LRRC37A2: variants seen among roughly 807,000 people sequenced by gnomAD.
The protein encoded by LRRC37A2 is leucine rich repeat containing 37 member A2, also known as leucine-rich repeat-containing protein 37A2.
LRRC37A2 carries 9 observed loss-of-function variants against 68.8 expected under a neutral mutation model. That is an observed-to-expected ratio of 0.13 (90% CI 0.08 to 0.23). LRRC37A2 has a LOEUF of 0.23. Among genes scored for constraint, LRRC37A2 ranks in the 10% least tolerant of loss-of-function variants. LRRC37A2 has a pLI of 1.00. For missense variants in LRRC37A2, 168 were observed against 950.4 expected, an observed-to-expected ratio of 0.18 and a Z score of 10.82; for synonymous variants, 63 against 367.6, an observed-to-expected ratio of 0.17 and a Z score of 9.48.
At chr17:46,862,367 G>A in the LRRC37A2 span, among the ~76,000 whole-genome samples, 23 of 152,080 alleles carry the variant, frequency 1.5e-4, no homozygotes, top group African/African-American at 5.6e-4. Context: ...AATTTTGCAG[G>A]TAGACATCTA....
chr17:46,400,872 AG>A, the LRRC37A2 span, among the ~76,000 whole-genome samples: 2 of 112,430 alleles, frequency 1.8e-5, no homozygotes, highest in African/African-American at 3.0e-5. Flanking sequence ...GGATTCCAGT[AG>A]GGAGGCCTTT....
the LRRC37A2 span, among the ~76,000 whole-genome samples, chr17:46,862,831 G>A: frequency 6.6e-6 from 1 of 152,178 alleles, no homozygotes; most frequent in Non-Finnish European, 1.5e-5. Flanking sequence ...TGATCCGCCC[G>A]CCTCGGCCTC....
the LRRC37A2 span, among the ~76,000 whole-genome samples, chr17:46,672,125 G>A: frequency 1.4e-5 from 1 of 71,214 alleles, no homozygotes; most frequent in Admixed American, 1.4e-4. Flanking sequence ...AAGAAGCCAT[G>A]TAAACAGAGA....
At chr17:46,722,633 A>G in the LRRC37A2 span, among the ~76,000 whole-genome samples, 1 of 152,218 alleles carries the variant, frequency 6.6e-6, no homozygotes, top group Non-Finnish European at 1.5e-5. Flanking sequence ...GGCCTGGGCC[A>G]GAAAGGGTGA....
At chr17:46,771,524 C>T in the LRRC37A2 span, among the ~76,000 whole-genome samples, 1 of 148,930 alleles carries the variant, frequency 6.7e-6, no homozygotes, top group Non-Finnish European at 1.5e-5. Flanking sequence ...GGGGATTAGC[C>T]TGGGAGCGGC....
the LRRC37A2 span, among the ~76,000 whole-genome samples, chr17:46,870,470 A>G: frequency 2.0e-5 from 3 of 152,218 alleles, no homozygotes; most frequent in African/African-American, 7.2e-5. Flanking sequence ...CAGATTAATG[A>G]TTAACGGGTC....
chr17:46,943,490 C>T, the LRRC37A2 span, among the ~76,000 whole-genome samples: 3 of 152,220 alleles, frequency 2.0e-5, no homozygotes, highest in Non-Finnish European at 4.4e-5. Flanking sequence ...CACAAACACC[C>T]CCACAATCCC....
the LRRC37A2 span, among the ~76,000 whole-genome samples, chr17:47,041,452 C>CTT: frequency 0.11 from 3,930 of 36,048 alleles, no homozygotes; most frequent in Non-Finnish European, 0.15. Context: ...TTGGATGTCT[C>CTT]TTTTTTTTTT....
At chr17:46,468,058 T>C in the LRRC37A2 span, among the ~76,000 whole-genome samples, 1 of 69,866 alleles carries the variant, frequency 1.4e-5, no homozygotes, top group East Asian at 2.7e-4. Flanking sequence ...ATCTTGCTTT[T>C]ATTTAAGTAA....
At chr17:46,865,836 T>A in the LRRC37A2 span, among the ~76,000 whole-genome samples, 1 of 152,178 alleles carries the variant, frequency 6.6e-6, no homozygotes. Context: ...GGTTTTGAAC[T>A]CCTAGGCTCA....
At chr17:46,955,612 C>T in the LRRC37A2 span, 1 of 152,196 alleles carries the variant, frequency 6.6e-6, no homozygotes, top group African/African-American at 2.4e-5. Context: ...AGATCTGAGG[C>T]CAAGCACACC....
the LRRC37A2 span, among the ~76,000 whole-genome samples, chr17:46,838,679 TAC>T: frequency 6.6e-6 from 1 of 152,028 alleles, no homozygotes; most frequent in African/African-American, 2.4e-5. Context: ...AAAGTACATA[TAC>T]ACACACATCC....
chr17:46,987,528 C>G, the LRRC37A2 span, among the ~76,000 whole-genome samples: 1 of 152,198 alleles, frequency 6.6e-6, no homozygotes, highest in African/African-American at 2.4e-5. Context: ...AAGACTCTTG[C>G]AACCATATGG....
At chr17:46,849,650 A>G in the LRRC37A2 span, among the ~76,000 whole-genome samples, 31 of 152,208 alleles carry the variant, frequency 2.0e-4, no homozygotes. Context: ...AACTCCAGTG[A>G]TCAGAAACGA....
At chr17:47,013,182 T>C in the LRRC37A2 span, among the ~76,000 whole-genome samples, 1 of 152,180 alleles carries the variant, frequency 6.6e-6, no homozygotes, top group African/African-American at 2.4e-5. Flanking sequence ...AGTAGACTAG[T>C]GGTTGCCAGG....
chr17:46,877,544 C>T, the LRRC37A2 span, among the ~76,000 whole-genome samples: 46 of 152,262 alleles, frequency 3.0e-4, no homozygotes, highest in East Asian at 1.7e-3. Context: ...AGGGAGACAA[C>T]GGCCCCTCCC....
At chr17:46,382,108 G>A in the LRRC37A2 span, among the ~76,000 whole-genome samples, 1 of 145,448 alleles carries the variant, frequency 6.9e-6, no homozygotes, top group African/African-American at 2.5e-5. Flanking sequence ...GAGAAACCCC[G>A]TCTCTACTAA....
chr17:46,952,439 C>T, the LRRC37A2 span, among the ~76,000 whole-genome samples: 10 of 152,220 alleles, frequency 6.6e-5, no homozygotes, highest in East Asian at 1.9e-4. Context: ...ACTAGCTACA[C>T]GCCACTTTTG....
the LRRC37A2 span, among the ~76,000 whole-genome samples, chr17:46,786,103 G>A: frequency 1.7e-5 from 2 of 115,290 alleles, no homozygotes; most frequent in African/African-American, 3.5e-5. Context: ...AAGTTGATAA[G>A]CCTGGAAAAA....
Sources: gnomAD v4.1 joint callset for allele counts (sites outside exome capture counted in the v4.1 genomes callset) on GRCh38, gnomAD v4.1.1 for gene constraint, MANE v1.5 for transcripts, NCBI Gene and HGNC (gene_info 2026-07-23, HGNC 2026-07-21) for gene names.